The following MPDZ variants were observed in gnomAD, a reference collection of about 807,000 sequenced individuals.
MPDZ encodes the protein multiple PDZ domain protein.
Under a neutral mutation model 239.1 loss-of-function variants are expected in MPDZ, and 234 were observed. The observed-to-expected ratio is 0.98, with a 90% CI of 0.88 to 1.09. The LOEUF is 1.09. MPDZ is among the 50% of genes least tolerant of loss of function. MPDZ has a pLI of 0.00. For missense variants in MPDZ, 3,175 were observed against 2,510.0 expected (o/e 1.26, Z -5.66); for synonymous variants, 1,048 against 881.3 (o/e 1.19, Z -3.35).
intron 22 of MPDZ, among the ~76,000 whole-genome samples, chr9:13,163,860 T>C (rs543858036): frequency 6.6e-6 from 1 of 152,294 alleles, no homozygotes; most frequent in Admixed American, 6.5e-5. Flanking sequence ...AAGAGGAGTA[T>C]ACATAATTTC....
intron 3 of MPDZ, among the ~76,000 whole-genome samples, chr9:13,234,686 A>G (rs1456503285): frequency 6.6e-6 from 1 of 152,132 alleles, no homozygotes; most frequent in Admixed American, 6.5e-5. Context: ...AACTGTTTAA[A>G]CTGACATACA....
chr9:13,187,655 TTAAAA>T (rs1431589147), intron 17 of MPDZ, among the ~76,000 whole-genome samples: 1 of 152,222 alleles, frequency 6.6e-6, no homozygotes, highest in East Asian at 1.9e-4. Context: ...ACTTTGGCAC[TTAAAA>T]TACATTAACA....
In MPDZ at chr9:13,162,776, C is replaced by A. The variant is rs368588888; in HGVS notation, c.3274G>T (p.Glu1092Ter). Reference sequence around the variant, plus strand: ...CTTATTTTGAACTCTTCCAAATGTTCTGCAGGCACATAAGTAATTCTGGAA... The same window carrying A: ...CTTATTTTGAACTCTTCCAAATGTTATGCAGGCACATAAGTAATTCTGGAA... ...PDIKITYVPA[E>*]HLEEFKISLG... is the part of the protein sequence containing the mutation. Residue 1092 changes from glutamate (E) to a stop codon, truncating the protein, a stop_gained, in exon 23 of 47, where the codon GAA becomes TAA. Transcript: ENST00000319217. LOFTEE classifies it high-confidence loss of function. The A allele has an allele frequency of 1.9e-6, 3 of 1,609,348 alleles. No homozygotes were observed. The African/African-American group carries it at 4.0e-5, about 22-fold the overall frequency.
At chr9:13,119,002 T>G (rs1943926946) in intron 39 of MPDZ, among the ~76,000 whole-genome samples, 1 of 152,250 alleles carries the variant, frequency 6.6e-6, no homozygotes, top group East Asian at 1.9e-4. Context: ...ATTTTAAATG[T>G]CAACTTCAAA....
chr9:13,113,145 G>A (rs1942781476), intron 41 of MPDZ, 91 bp from the exon 42 acceptor site: 2 of 1,180,402 alleles, frequency 1.7e-6, no homozygotes, highest in Non-Finnish European at 2.4e-6. Context: ...GGGACTAAAT[G>A]ATAACCTAGG....
chr9:13,239,262 C>G (rs1964801629), intron 3 of MPDZ, among the ~76,000 whole-genome samples: 1 of 152,072 alleles, frequency 6.6e-6, no homozygotes, highest in African/African-American at 2.4e-5. Context: ...ATTCACTATG[C>G]TGTGTAAGAA....
In MPDZ at chr9:13,147,591, T is replaced by C. The variant is rs1428400645; in HGVS notation, c.3698A>G (p.Asn1233Ser). The C allele has an allele frequency of 1.2e-6, 2 of 1,612,416 alleles. No individual in the cohort carries two copies. The highest frequency in any genetic ancestry group is 1.7e-6 in the Non-Finnish European group (2 of 1,178,822). Residue 1233 changes from asparagine to serine, a missense_variant, in exon 26 of 47, where the codon AAC becomes AGC. By Grantham distance (46) the Asn-to-Ser change is conservative (BLOSUM62 1). Coordinates refer to ENST00000319217, the MANE Select transcript of MPDZ (RefSeq NM_001378778.1). ...QAVEAIRKAGNPVVFMVQSII... is the reference protein window; with the variant it reads ...QAVEAIRKAGSPVVFMVQSII... ...GCTCTGTACCATAAAGACTACAGGG[T>C]TGCCTGCTTTCCGAATGGCTTCCAC...
At position 13,158,089 on chromosome 9, in the gene MPDZ, C is replaced by G; in HGVS notation, c.3381G>C (p.Glu1127Asp). The change falls in exon 24 of 47, where the codon GAG (glutamate) becomes GAC (aspartate). Residue 1127 changes from glutamate to aspartate, a missense_variant. Coordinates refer to ENST00000319217, the MANE Select transcript of MPDZ (RefSeq NM_001378778.1). Reference sequence around the variant, plus strand: ...TTTCTTCACCCTCTCCCTCTTCTCGCTCTGGTAATTCTGGAATGTCTCTGG... The same window carrying G: ...TTTCTTCACCCTCTCCCTCTTCTCGGTCTGGTAATTCTGGAATGTCTCTGG... ...YTGRDIPELP[E>D]REEGEGEESE... 6.2e-7 allele frequency: 1 copy of G among 1,612,656 alleles called. No individual in the cohort carries two copies. Among genetic ancestry groups the G allele is most frequent in the East Asian group, 2.2e-5 (1 of 44,736 alleles).
At chr9:13,241,185 T>C (rs1181576960) in intron 3 of MPDZ, among the ~76,000 whole-genome samples, 1 of 152,216 alleles carries the variant, frequency 6.6e-6, no homozygotes, top group Non-Finnish European at 1.5e-5. Context: ...GTAAATAAAC[T>C]TTACGGTAAA....
chr9:13,247,392 T>G (rs1363618600), intron 3 of MPDZ, among the ~76,000 whole-genome samples: 1 of 152,206 alleles, frequency 6.6e-6, no homozygotes, highest in Non-Finnish European at 1.5e-5. Context: ...TAGAAACTCA[T>G]TCTTCAGCAT....
chr9:13,106,883 A>G lies in MPDZ; in HGVS notation c.*82T>C. ...TTTTGAAGACCCGGCTGAACACAGC[A>G]TAAAAATTGTCAGGACCAGTGCATT... On this transcript the variant is annotated 3_prime_UTR_variant, in exon 47 of 47. Coordinates refer to ENST00000319217, the MANE Select transcript of MPDZ (RefSeq NM_001378778.1). The G allele has an allele frequency of 2.7e-6, 4 of 1,483,564 alleles. No individual in the cohort carries two copies. Among genetic ancestry groups the G allele is most frequent in the Non-Finnish European group, 2.8e-6 (3 of 1,080,702 alleles). The allele number at this position is 1,483,564 out of a possible 1,614,324, so 91.9% of individuals were successfully genotyped here.
At chr9:13,221,613 C>G (rs913686241) in intron 6 of MPDZ, 113 bp from the exon 7 acceptor site, 1 of 1,134,528 alleles carries the variant, frequency 8.8e-7, no homozygotes, top group African/African-American at 1.6e-5. Context: ...TAAATTCAGA[C>G]ATAATAATGA....
chr9:13,140,118 T>A lies in MPDZ; in HGVS notation c.3872A>T (p.Lys1291Met), dbSNP rs76975716. The A allele has an allele frequency of 5.6e-6, 9 of 1,613,424 alleles. No individual in the cohort carries two copies. The East Asian group carries it at 2.0e-4, about 36-fold the overall frequency. The change falls in exon 28 of 47, where the codon AAG (lysine) becomes ATG (methionine). Residue 1291 changes from lysine (K) to methionine (M), a missense_variant. Physicochemically the swap from Lys to Met is moderately conservative, Grantham distance 95. Transcript: ENST00000319217. ...TGGGGGCACACTGCACAATGGAGCC[T>A]TCTCTGGCTCTGACTCTGACTGACT... Reference protein sequence around the residue: ...APSQSESEPEKAPLCSVPPPP... With the variant: ...APSQSESEPEMAPLCSVPPPP...
intron 3 of MPDZ, among the ~76,000 whole-genome samples, chr9:13,233,217 C>T (rs1304691736): frequency 6.6e-6 from 1 of 152,086 alleles, no homozygotes; most frequent in Non-Finnish European, 1.5e-5. Context: ...GAGAAATACA[C>T]ACTTATGAAT....
At chr9:13,137,469 C>A (rs1382921797) in intron 29 of MPDZ, among the ~76,000 whole-genome samples, 1 of 152,158 alleles carries the variant, frequency 6.6e-6, no homozygotes, top group Admixed American at 6.5e-5. Context: ...AAATAAAATT[C>A]TAAACCCTAT....
At chr9:13,266,514 A>G (rs1005600399) in intron 1 of MPDZ, among the ~76,000 whole-genome samples, 1 of 152,204 alleles carries the variant, frequency 6.6e-6, no homozygotes, top group Admixed American at 6.5e-5. Context: ...GAACCCTTAA[A>G]TTCAGCAGAC....
intron 10 of MPDZ, among the ~76,000 whole-genome samples, chr9:13,210,472 G>T (rs533798477): frequency 4.6e-5 from 7 of 151,714 alleles, no homozygotes; most frequent in African/African-American, 1.5e-4. Context: ...TACCCACCCA[G>T]GTATTTCCCC....
rs561129417 is a variant in MPDZ, at chr9:13,216,819, G to A, written c.1245C>T (p.Ala415=). The part of the protein sequence containing the change: ...IFVKSITKSS[A]VEHDGRIQIG... ...TTTGGATTCTTCCATCATGCTCAAC[G>A]GCACTGCTTTTTGTAATGCTCTTTA... The change falls in exon 10 of 47, where the codon GCC becomes GCT. Residue 415 remains alanine (A), a synonymous_variant. Coordinates refer to ENST00000319217, the MANE Select transcript of MPDZ (RefSeq NM_001378778.1). 5.7e-5 allele frequency: 92 copies of A among 1,610,064 alleles called. No individual in the cohort carries two copies. The highest frequency in any genetic ancestry group is 5.6e-4 in the South Asian group (51 of 90,856).
At chr9:13,267,677 T>G (rs189702533) in intron 1 of MPDZ, among the ~76,000 whole-genome samples, 46 of 152,282 alleles carry the variant, frequency 3.0e-4, no homozygotes, top group African/African-American at 1.1e-3. Flanking sequence ...AAGAATGTGT[T>G]TGATGTATGG....
Sources: allele counts gnomAD v4.1 joint callset (sites outside exome capture counted in the v4.1 genomes callset), GRCh38; gene constraint gnomAD v4.1.1; transcripts MANE v1.5; gene names NCBI Gene and HGNC (gene_info 2026-07-23, HGNC 2026-07-21).